The following DNM3 variants were observed in gnomAD, a reference collection of about 807,000 sequenced individuals.
DNM3 encodes dynamin 3, also known as dynamin-3.
A neutral mutation model predicts 101.6 loss-of-function variants in DNM3; 47 were observed. The ratio of observed to expected loss-of-function variants is 0.46; its 90% confidence interval spans 0.37 to 0.59. The LOEUF (loss-of-function observed/expected upper bound fraction) is 0.59. Ranked by LOEUF, DNM3 falls within the 20% of genes least tolerant of loss-of-function variation. The pLI, the probability that DNM3 is intolerant of heterozygous loss-of-function variation, is 0.00. For synonymous variants in DNM3, 385 were observed against 387.9 expected (o/e 0.99, Z 0.09); for missense variants, 849 against 1,085.7 (o/e 0.78, Z 3.06).
intron 15 of DNM3, among the ~76,000 whole-genome samples, chr1:172,285,858 C>T (rs890504428): frequency 1.3e-5 from 2 of 152,030 alleles, no homozygotes; most frequent in African/African-American, 4.8e-5. Flanking sequence ...ACACAGACAG[C>T]CCCAACGCAG....
intron 11 of DNM3, among the ~76,000 whole-genome samples, chr1:172,078,086 G>T (rs1222632015): frequency 6.6e-6 from 1 of 151,776 alleles, no homozygotes; most frequent in African/African-American, 2.4e-5. Flanking sequence ...GTCTTTGTTG[G>T]TTTTTGTTGT....
intron 4 of DNM3, among the ~76,000 whole-genome samples, chr1:171,989,400 G>A (rs934553899): frequency 8.6e-5 from 13 of 151,728 alleles, no homozygotes; most frequent in Non-Finnish European, 1.8e-4. Flanking sequence ...AGAATAATGA[G>A]ATCTAAGAAA....
chr1:172,318,366 A>G (rs1200383878), intron 16 of DNM3, among the ~76,000 whole-genome samples: 1 of 152,130 alleles, frequency 6.6e-6, no homozygotes, highest in Non-Finnish European at 1.5e-5. Flanking sequence ...TATTCAACAT[A>G]GTGTTGGAAG....
chr1:171,940,113 A>G (rs1173124358), intron 2 of DNM3, among the ~76,000 whole-genome samples: 1 of 152,212 alleles, frequency 6.6e-6, no homozygotes, highest in Non-Finnish European at 1.5e-5. Flanking sequence ...AGAACAGACG[A>G]TAATTGGGTT....
At chr1:172,025,248 T>C (rs1455249349) in intron 4 of DNM3, among the ~76,000 whole-genome samples, 2 of 152,206 alleles carry the variant, frequency 1.3e-5, no homozygotes, top group East Asian at 3.9e-4. Flanking sequence ...GATTGCCTCT[T>C]TAGATTCCTC....
In DNM3 at chr1:172,056,878, A is replaced by G. The variant is rs571459806; in HGVS notation, c.1335+8128A>G. On this transcript the variant is annotated intron_variant, in intron 10 of 20. Coordinates refer to ENST00000627582, the MANE Select transcript of DNM3 (RefSeq NM_015569.5). ...TGACGAGCTGAGAGAAGAAGGCTTC[A>G]GATGATCAAATTACTCTGAGCTACG... 9.1e-4 allele frequency among the ~76,000 whole-genome samples: 139 copies of G among 152,330 alleles called. 1 individual carries two copies. In the South Asian group the frequency reaches 0.026, roughly 28 times the overall value.
At chr1:171,980,231 T>C (rs1217758577) in intron 2 of DNM3, among the ~76,000 whole-genome samples, 1 of 151,904 alleles carries the variant, frequency 6.6e-6, no homozygotes, top group Non-Finnish European at 1.5e-5. Flanking sequence ...CTGGGTCCTA[T>C]GTAATTAATA....
At chr1:172,001,307 C>CT (rs990526994) in intron 4 of DNM3, among the ~76,000 whole-genome samples, 1 of 151,914 alleles carries the variant, frequency 6.6e-6, no homozygotes, top group Non-Finnish European at 1.5e-5. Context: ...CTCAAGGTGC[C>CT]TAGCAGTGTC....
chr1:171,846,307 A>G (rs950141175), intron 1 of DNM3, among the ~76,000 whole-genome samples: 2 of 152,178 alleles, frequency 1.3e-5, no homozygotes, highest in African/African-American at 4.8e-5. Flanking sequence ...TCTGAGAGCA[A>G]TATAACTAAG....
rs193114666 is a variant in DNM3, at chr1:172,367,953, G to A, written c.1894-11065G>A. ...TGAGTAAATTCTTACAAGATCTGAC[G>A]GTTTTATAAGGGGCATCCCCCTTTG... On this transcript the variant is annotated intron_variant, in intron 17 of 20. Coordinates refer to ENST00000627582, the MANE Select transcript of DNM3 (RefSeq NM_015569.5). Among the ~76,000 whole-genome samples the A allele has an allele frequency of 7.2e-4, 110 of 151,832 alleles. 4 individuals carry two copies. Among genetic ancestry groups the A allele is most frequent in the African/African-American group, 4.8e-4 (20 of 41,458 alleles).
At chr1:172,217,157 C>A (rs1422920320) in intron 14 of DNM3, among the ~76,000 whole-genome samples, 2 of 152,010 alleles carry the variant, frequency 1.3e-5, no homozygotes, top group Admixed American at 6.6e-5. Context: ...ATTTAAGATG[C>A]TCTCACCTTC....
At chr1:171,960,429 G>T (rs1352132974) in intron 2 of DNM3, among the ~76,000 whole-genome samples, 2 of 152,218 alleles carry the variant, frequency 1.3e-5, no homozygotes, top group African/African-American at 4.8e-5. Context: ...ATTAGGTAAA[G>T]AGAGGGCTCC....
At chr1:172,155,222 A>G (rs930639219) in intron 14 of DNM3, among the ~76,000 whole-genome samples, 1 of 151,864 alleles carries the variant, frequency 6.6e-6, no homozygotes, top group African/African-American at 2.4e-5. Context: ...AATAAACATG[A>G]CCAAATCATA....
At chr1:171,901,050 T>G (rs1465691583) in intron 1 of DNM3, among the ~76,000 whole-genome samples, 1 of 144,094 alleles carries the variant, frequency 6.9e-6, no homozygotes, top group Non-Finnish European at 1.5e-5. Context: ...GAGGTGGAGC[T>G]TGCAGTGAGC....
chr1:172,072,995 C>T (rs2052327012), intron 11 of DNM3, among the ~76,000 whole-genome samples: 1 of 152,110 alleles, frequency 6.6e-6, no homozygotes, highest in Non-Finnish European at 1.5e-5. Context: ...TCATGCTAGG[C>T]TCTAAGTTCT....
chr1:172,237,771 A>T (rs2061599842), intron 14 of DNM3, among the ~76,000 whole-genome samples: 2 of 152,194 alleles, frequency 1.3e-5, no homozygotes, highest in Admixed American at 6.5e-5. Flanking sequence ...TACAGGTTAA[A>T]TTTAAGTAGA....
chr1:172,404,432 A>G (rs2070734725), intron 20 of DNM3, among the ~76,000 whole-genome samples: 1 of 152,096 alleles, frequency 6.6e-6, no homozygotes, highest in Non-Finnish European at 1.5e-5. Context: ...TAGACCTGGC[A>G]CATAGCAGAA....
Position 172,411,736 on chromosome 1 carries a change from T to TAATGAGGCTCCTCAGAATGAAGAATAA in DNM3, c.*3896_*3897insATGAGGCTCCTCAGAATGAAGAATAAA. 1.0e-6 allele frequency: 1 copy of TAATGAGGCTCCTCAGAATGAAGAATAA among 985,332 alleles called. No individual in the cohort carries two copies. The highest frequency in any genetic ancestry group is 1.7e-5 in the African/African-American group (1 of 57,360). The allele number at this position is 985,332 out of a possible 1,614,324, so 61.0% of individuals were successfully genotyped here. ...CCTCAGAATGAAGAATAAAGCCTAC[T>TAATGAGGCTCCTCAGAATGAAGAATAA]AGGTCTCTAACTGTTGAACTCATGA... is the stretch of plus-strand genomic sequence containing the variant. On this transcript the variant is annotated 3_prime_UTR_variant, in exon 21 of 21. Transcript: ENST00000627582.
chr1:172,032,509 C>A lies in DNM3; in HGVS notation c.688+9C>A, dbSNP rs1378995668. On this transcript the variant is annotated intron_variant, in intron 5 of 20. Coordinates refer to ENST00000627582, the MANE Select transcript of DNM3 (RefSeq NM_015569.5). ...GTTGCCTCTTCGCAGGGGTAATGTACTGTGGTCTATACAAGACTTTTTTTT... is the reference window on the plus strand; with the variant it reads ...GTTGCCTCTTCGCAGGGGTAATGTAATGTGGTCTATACAAGACTTTTTTTT... 9.8e-7 allele frequency: 1 copy of A among 1,022,132 alleles called. No individual in the cohort carries two copies. The highest frequency in any genetic ancestry group is 2.6e-5 in the East Asian group (1 of 38,480). 63.3% of individuals were successfully genotyped at this position (1,022,132 alleles called of 1,614,324 possible). A position where few individuals can be genotyped will look rare whatever the true frequency, so the allele number is the denominator to read the frequency against.
Sources: allele counts gnomAD v4.1 joint callset (sites outside exome capture counted in the v4.1 genomes callset), GRCh38; gene constraint gnomAD v4.1.1; transcripts MANE v1.5; gene names NCBI Gene and HGNC (gene_info 2026-07-23, HGNC 2026-07-21).